EPHA5: variants seen among roughly 807,000 people sequenced by gnomAD.
EPHA5 encodes ephrin type-A receptor 5.
A neutral mutation model predicts 105.0 loss-of-function variants in EPHA5; 60 were observed. The ratio of observed to expected loss-of-function variants is 0.57; its 90% CI spans 0.46 to 0.71. The LOEUF (loss-of-function observed/expected upper bound fraction) is 0.71, where lower values mean the gene tolerates loss of function less well. Among genes scored for constraint, EPHA5 ranks in the 30% least tolerant of loss-of-function variants. EPHA5 has a pLI of 0.00. For synonymous variants in EPHA5, 513 were observed against 449.1 expected, an observed-to-expected ratio of 1.14 and a Z score of -1.80; for missense variants, 1,218 against 1,274.7, an observed-to-expected ratio of 0.96 and a Z score of 0.68.
intron 3 of EPHA5, among the ~76,000 whole-genome samples, chr4:65,532,409 A>G (rs1177439502): frequency 1.2e-4 from 18 of 151,972 alleles, no homozygotes; most frequent in Admixed American, 1.2e-3. Context: ...TCAGACACAT[A>G]AAATTCAGGT....
intron 8 of EPHA5, among the ~76,000 whole-genome samples, chr4:65,392,591 G>A (rs1206727887): frequency 6.6e-6 from 1 of 152,068 alleles, no homozygotes; most frequent in Non-Finnish European, 1.5e-5. Flanking sequence ...ATGTCCAGAT[G>A]TCAAAGAAAT....
rs573941806 is a variant in EPHA5 at position 65,668,474 on chromosome 4, T to G, written c.181+1088A>C. 2.0e-5 allele frequency among the ~76,000 whole-genome samples: 3 copies of G among 152,250 alleles called. No individual in the cohort carries two copies. The South Asian group carries it at 6.2e-4, about 32-fold the overall frequency. ...TCATGGTGGAGCTGACAGATCTGGA[T>G]CTGAGATACTGTTCCCGCCCCTCCG... On this transcript the variant is annotated intron_variant, in intron 1 of 16. Transcript: ENST00000613740.
In EPHA5 at chr4:65,490,412, T is replaced by C; in HGVS notation, c.1367A>G (p.Gln456Arg). Residue 456 changes from glutamine (Q) to arginine (R), a missense_variant, in exon 5 of 17, where the codon CAG becomes CGG. Coordinates refer to ENST00000613740, the MANE Select transcript of EPHA5 (RefSeq NM_001281766.3). ...GVSDLSPGAR[Q>R]YVSVNVTTNQ... ...TGTGGTTACATTTACAGACACATAC[T>C]GCCGGGCTCCTGGGCTCAAGTCGGA... The C allele has an allele frequency of 6.2e-7, 1 of 1,614,148 alleles. No homozygotes were observed. Among genetic ancestry groups the C allele is most frequent in the Non-Finnish European group, 8.5e-7 (1 of 1,179,994 alleles).
chr4:65,595,231 T>G (rs1263994359), intron 3 of EPHA5, among the ~76,000 whole-genome samples: 1 of 152,082 alleles, frequency 6.6e-6, no homozygotes. Flanking sequence ...TTCATAACTT[T>G]TAACTGTAGA....
chr4:65,619,508 C>T (rs1403595104), intron 2 of EPHA5, among the ~76,000 whole-genome samples: 1 of 152,050 alleles, frequency 6.6e-6, no homozygotes, highest in Admixed American at 6.6e-5. Context: ...TATATAACTA[C>T]AAAACCTGTA....
intron 6 of EPHA5, among the ~76,000 whole-genome samples, chr4:65,417,590 G>T (rs1453073242): frequency 4.0e-5 from 6 of 151,724 alleles, no homozygotes; most frequent in Non-Finnish European, 7.4e-5. Context: ...TTAATTTATT[G>T]GAAATATGTT....
intron 4 of EPHA5, among the ~76,000 whole-genome samples, chr4:65,491,821 T>A (rs1731428954): frequency 6.6e-6 from 1 of 152,014 alleles, no homozygotes. Flanking sequence ...CTGAACTTGA[T>A]TAGAATAATA....
intron 1 of EPHA5, among the ~76,000 whole-genome samples, chr4:65,657,197 A>G (rs1749152476): frequency 6.6e-6 from 1 of 152,202 alleles, no homozygotes; most frequent in African/African-American, 2.4e-5. Flanking sequence ...AAATAATCCA[A>G]GAAATCTATA....
intron 1 of EPHA5, among the ~76,000 whole-genome samples, chr4:65,651,688 A>C (rs1560823153): frequency 6.6e-6 from 1 of 152,190 alleles, no homozygotes; most frequent in Non-Finnish European, 1.5e-5. Context: ...TTTCATCACC[A>C]CAAAGATGTT....
chr4:65,635,377 G>A (rs1747025087), intron 2 of EPHA5, among the ~76,000 whole-genome samples: 1 of 152,056 alleles, frequency 6.6e-6, no homozygotes, highest in Admixed American at 6.6e-5. Context: ...ATCAGCATTA[G>A]AAAAAAATTT....
intron 5 of EPHA5, among the ~76,000 whole-genome samples, chr4:65,460,025 G>T (rs1727978870): frequency 6.6e-6 from 1 of 151,558 alleles, no homozygotes; most frequent in Admixed American, 6.6e-5. Context: ...TATTAAATTA[G>T]CTTTGAATCT....
chr4:65,574,099 C>T, intron 3 of EPHA5: 3 of 1,608,880 alleles, frequency 1.9e-6, no homozygotes, highest in Non-Finnish European at 2.6e-6. Flanking sequence ...AAACATCTTA[C>T]TGATGCTTAC....
chr4:65,496,276 T>C (rs1261186868), intron 3 of EPHA5, among the ~76,000 whole-genome samples: 2 of 151,640 alleles, frequency 1.3e-5, no homozygotes, highest in African/African-American at 4.8e-5. Flanking sequence ...ATGTGCACAA[T>C]GTGCAGGTTA....
intron 5 of EPHA5, among the ~76,000 whole-genome samples, chr4:65,431,231 A>C (rs1724942546): frequency 6.6e-6 from 1 of 152,170 alleles, no homozygotes; most frequent in Non-Finnish European, 1.5e-5. Context: ...TGCATGCTAA[A>C]TGCAAATTCA....
intron 8 of EPHA5, among the ~76,000 whole-genome samples, chr4:65,395,634 A>C (rs900856070): frequency 2.6e-5 from 4 of 152,296 alleles, no homozygotes; most frequent in South Asian, 4.1e-4. Flanking sequence ...GACATTTCAA[A>C]TGGATTGAGT....
intron 3 of EPHA5, among the ~76,000 whole-genome samples, chr4:65,591,612 TAA>T (rs75075654): frequency 1.1e-4 from 16 of 140,004 alleles, no homozygotes; most frequent in African/African-American, 2.7e-4. Context: ...TTATTTTTTT[TAA>T]AAAAAAAGCT....
At chr4:65,527,430 A>G (rs1391267493) in intron 3 of EPHA5, among the ~76,000 whole-genome samples, 1 of 152,162 alleles carries the variant, frequency 6.6e-6, no homozygotes, top group African/African-American at 2.4e-5. Flanking sequence ...AGACACACAC[A>G]GAGCAAATAC....
chr4:65,413,438 A>G (rs1723099053), intron 7 of EPHA5, among the ~76,000 whole-genome samples: 1 of 152,138 alleles, frequency 6.6e-6, no homozygotes, highest in Admixed American at 6.5e-5. Context: ...TCACATTTTA[A>G]TTTAATAACT....
intron 5 of EPHA5, among the ~76,000 whole-genome samples, chr4:65,429,547 C>T (rs1342509889): frequency 6.6e-6 from 1 of 151,948 alleles, no homozygotes. Context: ...CCAATCTGAT[C>T]AAGCATTTTT....
Sources: gnomAD v4.1 joint callset for allele counts (sites outside exome capture counted in the v4.1 genomes callset) on GRCh38, gnomAD v4.1.1 for gene constraint, MANE v1.5 for transcripts, NCBI Gene and HGNC (gene_info 2026-07-23, HGNC 2026-07-21) for gene names.